Variants in ALS2 observed in about 807,000 individuals in gnomAD.
ALS2 encodes alsin.
In ALS2, 117 loss-of-function variants were observed where a neutral mutation model predicts 203.4. The observed-to-expected ratio is 0.58, with a 90% CI of 0.50 to 0.67. ALS2 has a LOEUF of 0.67. Among genes scored for constraint, ALS2 ranks in the 30% least tolerant of loss-of-function variants. The probability of loss-of-function intolerance (pLI) is 0.00; values close to 1 mark genes in which losing one functional copy is unlikely to be tolerated. For missense variants in ALS2, 1,715 were observed against 1,989.4 expected (o/e 0.86, Z 2.62); for synonymous variants, 718 against 725.9 (o/e 0.99, Z 0.17).
intron 13 of ALS2, among the ~76,000 whole-genome samples, chr2:201,729,897 A>G (rs560408335): frequency 6.7e-6 from 1 of 150,088 alleles, no homozygotes; most frequent in South Asian, 2.1e-4. Context: ...AAAAAAAAAA[A>G]AAAAAACAAC....
intron 25 of ALS2, among the ~76,000 whole-genome samples, chr2:201,713,310 T>C (rs143371331): frequency 0.077 from 11,720 of 151,842 alleles, 558 homozygotes; most frequent in East Asian, 0.24. Flanking sequence ...TTAGTAGATA[T>C]GGGGTTTCAC....
In ALS2 at chr2:201,744,400, T is replaced by C. The variant is rs1379284072; in HGVS notation, c.2028A>G (p.Gly676=). The C allele has an allele frequency of 9.3e-6, 15 of 1,614,144 alleles. No homozygotes were observed. Among genetic ancestry groups the C allele is most frequent in the Non-Finnish European group, 1.2e-5 (14 of 1,180,024 alleles). ...KLGYISRVTA[G]KDSYLALVDK... ...CCACCAAGGCTAAATAGCTATCTTT[T>C]CCTGCTGTCACTCTGCTTATATATC... Residue 676 remains glycine (G), a synonymous_variant, in exon 10 of 34, where the codon GGA becomes GGG. Coordinates refer to ENST00000264276, the MANE Select transcript of ALS2 (RefSeq NM_020919.4).
chr2:201,736,355 T>TGA (rs1691875435), intron 12 of ALS2, among the ~76,000 whole-genome samples: 1 of 152,152 alleles, frequency 6.6e-6, no homozygotes. Context: ...AACAAGCATG[T>TGA]GAGTCCAATA....
At chr2:201,747,120 C>T (rs1189138871) in intron 8 of ALS2, among the ~76,000 whole-genome samples, 1 of 152,172 alleles carries the variant, frequency 6.6e-6, no homozygotes, top group Non-Finnish European at 1.5e-5. Context: ...ATACCTCTGT[C>T]CTTCCACATT....
chr2:201,749,836 T>C (rs769974913), intron 7 of ALS2, 47 bp from the exon 8 acceptor site: 6 of 1,456,930 alleles, frequency 4.1e-6, no homozygotes, highest in Admixed American at 3.4e-5. Context: ...GAATCTGATT[T>C]TGCACATCAA....
chr2:201,716,117 T>C (rs779206030), intron 24 of ALS2, among the ~76,000 whole-genome samples: 2 of 152,162 alleles, frequency 1.3e-5, no homozygotes, highest in Non-Finnish European at 2.9e-5. Flanking sequence ...TTTTAAAAAA[T>C]TGATTCCTGG....
chr2:201,709,380 CAA>C (rs1376115763), intron 27 of ALS2, among the ~76,000 whole-genome samples: 7 of 152,152 alleles, frequency 4.6e-5, no homozygotes, highest in Admixed American at 3.9e-4. Flanking sequence ...TCCATGACAG[CAA>C]AGACTGTTTG....
rs1378154373 is a variant in ALS2, at chr2:201,768,899, C to G, written c.-14G>C. On this transcript the variant is annotated 5_prime_UTR_variant, in exon 2 of 34. Coordinates refer to ENST00000264276, the MANE Select transcript of ALS2 (RefSeq NM_020919.4). ...CTTTGAGTCCATCGGTCAGTGGGAA[C>G]ACTCCATCACCAAATCATTCCTTCT... The G allele has an allele frequency of 1.2e-6, 2 of 1,612,742 alleles. No individual in the cohort carries two copies. Among genetic ancestry groups the G allele is most frequent in the Middle Eastern group, 1.7e-4 (1 of 6,052 alleles).
At chr2:201,721,188 T>C (rs1171424562) in intron 23 of ALS2, among the ~76,000 whole-genome samples, 1 of 152,128 alleles carries the variant, frequency 6.6e-6, no homozygotes, top group Non-Finnish European at 1.5e-5. Context: ...AACTGTGAGG[T>C]GTTCTATGTT....
chr2:201,765,393 T>C (rs1162140232), intron 3 of ALS2: 1 of 164,238 alleles, frequency 6.1e-6, no homozygotes, highest in Non-Finnish European at 1.5e-5. Context: ...ATTCCACTTA[T>C]ATTTGCTTGA....
intron 31 of ALS2, 72 bp downstream of exon 31, chr2:201,705,067 T>C (rs921017248): frequency 2.3e-5 from 32 of 1,420,258 alleles, no homozygotes; most frequent in Non-Finnish European, 3.0e-5. Flanking sequence ...AAAGATAAGA[T>C]CATATTAATA....
intron 4 of ALS2, among the ~76,000 whole-genome samples, chr2:201,758,786 T>TGTGTGTGTGTGTGTGTGTG (rs1553514712): frequency 2.9e-5 from 3 of 103,122 alleles, no homozygotes; most frequent in African/African-American, 1.0e-4. Context: ...GTGTGTGTGT[T>TGTGTGTGTGTGTGTGTGTG]TGTTTGTATA....
intron 12 of ALS2, among the ~76,000 whole-genome samples, chr2:201,735,224 G>A (rs1040569601): frequency 6.6e-6 from 1 of 151,732 alleles, no homozygotes; most frequent in Non-Finnish European, 1.5e-5. Flanking sequence ...GAGACAGTAT[G>A]GGGGGAGTTA....
At chr2:201,739,166 G>A (rs188956997) in intron 11 of ALS2, among the ~76,000 whole-genome samples, 70 of 147,462 alleles carry the variant, frequency 4.7e-4, no homozygotes, top group Admixed American at 1.0e-3. Context: ...TTGAGCCTGG[G>A]AGGTTGAGGC....
rs865875067 is a variant in ALS2 at position 201,724,370 on chromosome 2, G to A, written c.3437C>T (p.Ser1146Phe). The A allele has an allele frequency of 5.6e-6, 9 of 1,613,828 alleles. No homozygotes were observed. Among genetic ancestry groups the A allele is most frequent in the African/African-American group, 5.3e-5 (4 of 74,908 alleles). ...CTGGCCAATGAACATACTAGGAGAA[G>A]AGGACGTCAATTTCCCACTTCGTAG... The part of the protein sequence containing the change: ...GLLRSGKLTS[S>F]SPSMFIGQWV... Residue 1146 changes from serine to phenylalanine, a missense_variant, in exon 21 of 34, where the codon TCT (serine) becomes TTT (phenylalanine). Coordinates refer to ENST00000264276, the MANE Select transcript of ALS2 (RefSeq NM_020919.4).
intron 4 of ALS2, 45 bp downstream of exon 4, chr2:201,760,836 G>A: frequency 6.3e-7 from 1 of 1,578,656 alleles, no homozygotes; most frequent in African/African-American, 1.4e-5. Flanking sequence ...AGCCCATACA[G>A]TTCAACTCTA....
At position 201,760,990 on chromosome 2, in the gene ALS2, T is replaced by C; in HGVS notation, c.1004A>G (p.Asn335Ser). 6.2e-7 allele frequency: 1 copy of C among 1,614,194 alleles called. No individual in the cohort carries two copies. Among genetic ancestry groups the C allele is most frequent in the South Asian group, 1.1e-5 (1 of 91,078 alleles). ...MGTTEISSAR[N>S]IPSYPDTQAV... ...TTGGGTGTCAGGGTATGATGGTATG[T>C]TTCTGGCAGAGGAAATTTCAGTTGT... The change falls in exon 4 of 34, where the codon AAC becomes AGC. Residue 335 changes from asparagine to serine, a missense_variant. This residue lies in a region of ALS2 where 476 missense variants were observed against 539.3 expected (regional missense o/e 0.88). Coordinates refer to ENST00000264276, the MANE Select transcript of ALS2 (RefSeq NM_020919.4).
intron 25 of ALS2, among the ~76,000 whole-genome samples, chr2:201,712,977 T>C (rs548932931): frequency 6.6e-6 from 1 of 152,270 alleles, no homozygotes; most frequent in Non-Finnish European, 1.5e-5. Flanking sequence ...AATTTTAATA[T>C]GTGTCTATAC....
chr2:201,756,925 C>T (rs577355807), intron 5 of ALS2, among the ~76,000 whole-genome samples: 2 of 152,292 alleles, frequency 1.3e-5, no homozygotes, highest in South Asian at 2.1e-4. Flanking sequence ...GCTGAGACTG[C>T]TGAACTGATT....
Sources: allele counts gnomAD v4.1 joint callset (sites outside exome capture counted in the v4.1 genomes callset), GRCh38; gene constraint gnomAD v4.1.1; regional missense constraint gnomAD v4.1.1; transcripts MANE v1.5; gene names NCBI Gene and HGNC (gene_info 2026-07-23, HGNC 2026-07-21).